CYP19A1: variants seen among roughly 807,000 people sequenced by gnomAD.
CYP19A1 encodes the protein aromatase.
CYP19A1 carries 32 observed loss-of-function variants against 44.4 expected under a neutral mutation model. The observed-to-expected ratio is 0.72, with a 90% confidence interval of 0.54 to 0.97. The LOEUF is 0.97. Among genes scored for constraint, CYP19A1 ranks in the 50% least tolerant of loss-of-function variants. CYP19A1 has a pLI of 0.00. For synonymous variants in CYP19A1, 212 were observed against 215.6 expected (o/e 0.98, Z 0.14); for missense variants, 598 against 637.8 (o/e 0.94, Z 0.67).
intron 1 of CYP19A1, among the ~76,000 whole-genome samples, chr15:51,284,376 G>A (rs1041676769): frequency 6.6e-6 from 1 of 152,130 alleles, no homozygotes; most frequent in Admixed American, 6.5e-5. Flanking sequence ...GGCTTCCATG[G>A]GTATCATTGG....
At chr15:51,277,233 A>G (rs868386552) in intron 1 of CYP19A1, 4 of 152,162 alleles carry the variant, frequency 2.6e-5, no homozygotes, top group Non-Finnish European at 4.4e-5. Flanking sequence ...TTTTTATTTC[A>G]TCCCCATAAA....
chr15:51,240,494 C>T (rs2033690204), intron 2 of CYP19A1, among the ~76,000 whole-genome samples: 1 of 152,188 alleles, frequency 6.6e-6, no homozygotes, highest in South Asian at 2.1e-4. Context: ...TTTCCTGACT[C>T]TGTGCTTCCC....
rs2030641825 is a variant in CYP19A1, at chr15:51,208,790, G to T, written c.*2018C>A. The T allele has an allele frequency of 1.5e-5, 2 of 130,110 alleles. No homozygotes were observed. Among genetic ancestry groups the T allele is most frequent in the East Asian group, 2.2e-4 (1 of 4,490 alleles). The allele number at this position is 130,110 out of a possible 1,614,324, so 8.1% of individuals were successfully genotyped here. A position where few individuals can be genotyped will look rare whatever the true frequency, so the allele number is the denominator to read the frequency against. Reference sequence around the variant, plus strand: ...CCTTCCACTCCCAGTTTTCCCCCAGGATATTTTTGTACCTGCAAAATAGAT... The same window carrying T: ...CCTTCCACTCCCAGTTTTCCCCCAGTATATTTTTGTACCTGCAAAATAGAT... On this transcript the variant is annotated 3_prime_UTR_variant, in exon 10 of 10. Coordinates refer to ENST00000396402, the MANE Select transcript of CYP19A1 (RefSeq NM_000103.4).
chr15:51,261,780 GCAGGTCCTCC>G (rs2034731479), intron 1 of CYP19A1, among the ~76,000 whole-genome samples: 1 of 152,142 alleles, frequency 6.6e-6, no homozygotes, highest in Non-Finnish European at 1.5e-5. Flanking sequence ...GAAGTGTGGG[GCAGGTCCTCC>G]CAGGGAGTAA....
At chr15:51,223,914 G>T (rs1294089807) in intron 4 of CYP19A1, among the ~76,000 whole-genome samples, 1 of 152,164 alleles carries the variant, frequency 6.6e-6, no homozygotes, top group African/African-American at 2.4e-5. Context: ...CCAGGCCGAT[G>T]CATGATTTGC....
rs369862608 is a variant in CYP19A1, at chr15:51,242,754, A to G, written c.145+14T>C. The G allele has an allele frequency of 1.3e-6, 2 of 1,501,272 alleles. No individual in the cohort carries two copies. The highest frequency in any genetic ancestry group is 2.8e-5 in the African/African-American group (2 of 72,506). The allele number at this position is 1,501,272 out of a possible 1,614,324, so 93.0% of individuals were successfully genotyped here. ...AATAATCTCCTTAGATACAGAAATA[A>G]ATGACTGACTTACCTGGTATTGAGG... is the stretch of plus-strand genomic sequence containing the variant. On this transcript the variant is annotated intron_variant, in intron 2 of 9. Transcript: ENST00000396402.
chr15:51,336,878 C>T (rs1463542803), intron 1 of CYP19A1, among the ~76,000 whole-genome samples: 5 of 150,790 alleles, frequency 3.3e-5, no homozygotes, highest in African/African-American at 1.2e-4. Context: ...TCCTGAGCCT[C>T]CTGTGTCAAC....
chr15:51,331,245 C>T (rs1293638211), intron 1 of CYP19A1, among the ~76,000 whole-genome samples: 1 of 152,186 alleles, frequency 6.6e-6, no homozygotes, highest in Non-Finnish European at 1.5e-5. Flanking sequence ...ACCCACTCAT[C>T]ACAGGCAGCA....
chr15:51,288,887 G>A (rs60915417), intron 1 of CYP19A1, among the ~76,000 whole-genome samples: 24 of 152,258 alleles, frequency 1.6e-4, no homozygotes, highest in African/African-American at 4.3e-4. Context: ...CAGCCCTGCC[G>A]TCTCCCAGCC....
rs2031810187 is a variant in CYP19A1, at chr15:51,218,710, G to A, written c.629-55C>T. On this transcript the variant is annotated intron_variant, in intron 5 of 9. Coordinates refer to ENST00000396402, the MANE Select transcript of CYP19A1 (RefSeq NM_000103.4). The stretch of plus-strand genomic sequence containing the variant: ...GAAAGAGCAGTTGAGCAAAATGTGA[G>A]CCTAAGAAGGTTGCTCTGAGCAGAA... 1.1e-5 allele frequency: 18 copies of A among 1,567,976 alleles called. No homozygotes were observed. The East Asian group carries it at 2.1e-4, about 18-fold the overall frequency.
At chr15:51,300,385 A>C (rs892222294) in intron 1 of CYP19A1, among the ~76,000 whole-genome samples, 1 of 152,240 alleles carries the variant, frequency 6.6e-6, no homozygotes, top group Non-Finnish European at 1.5e-5. Context: ...CTCAGTGAGG[A>C]ATAAGACTCT....
intron 1 of CYP19A1, among the ~76,000 whole-genome samples, chr15:51,248,764 C>A (rs2034176443): frequency 6.6e-6 from 1 of 152,160 alleles, no homozygotes; most frequent in South Asian, 2.1e-4. Flanking sequence ...CTTTGTCCGG[C>A]TTTTATTCCC....
intron 3 of CYP19A1, among the ~76,000 whole-genome samples, chr15:51,235,107 G>C (rs547433256): frequency 6.6e-6 from 1 of 152,276 alleles, no homozygotes; most frequent in African/African-American, 2.4e-5. Flanking sequence ...ATATTTGTGA[G>C]ACCATAGCCA....
At chr15:51,330,420 C>G (rs989319055) in intron 1 of CYP19A1, among the ~76,000 whole-genome samples, 1 of 152,076 alleles carries the variant, frequency 6.6e-6, no homozygotes, top group Admixed American at 6.5e-5. Context: ...TGTAAACATG[C>G]ACAACTGATC....
intron 1 of CYP19A1, among the ~76,000 whole-genome samples, chr15:51,247,550 G>A (rs1428679567): frequency 6.6e-6 from 1 of 152,002 alleles, no homozygotes; most frequent in Non-Finnish European, 1.5e-5. Context: ...TCAGCTCACT[G>A]CAACGTCTTC....
At chr15:51,266,112 T>G (rs148862839) in intron 1 of CYP19A1, among the ~76,000 whole-genome samples, 9 of 152,300 alleles carry the variant, frequency 5.9e-5, no homozygotes, top group Non-Finnish European at 1.3e-4. Context: ...GAGGAAAGAT[T>G]TTGCTCTCAC....
intron 8 of CYP19A1, among the ~76,000 whole-genome samples, chr15:51,214,356 G>A (rs2899471): frequency 0.43 from 64,650 of 152,030 alleles, 14,992 homozygotes; most frequent in Non-Finnish European, 0.53. Context: ...GTAGTGAGGC[G>A]GTAGAGTTGG....
intron 1 of CYP19A1, among the ~76,000 whole-genome samples, chr15:51,311,281 A>G (rs796408992): frequency 6.6e-6 from 1 of 152,238 alleles, no homozygotes; most frequent in Non-Finnish European, 1.5e-5. Flanking sequence ...GAAATTATAT[A>G]AAAGAAGAAC....
At chr15:51,220,498 A>G (rs747317066) in intron 5 of CYP19A1, among the ~76,000 whole-genome samples, 2 of 152,352 alleles carry the variant, frequency 1.3e-5, no homozygotes, top group Non-Finnish European at 2.9e-5. Context: ...GAATGAATGT[A>G]TGAATCAATG....
Sources: allele counts gnomAD v4.1 joint callset (sites outside exome capture counted in the v4.1 genomes callset), GRCh38; gene constraint gnomAD v4.1.1; transcripts MANE v1.5; gene names NCBI Gene and HGNC (gene_info 2026-07-23, HGNC 2026-07-21).